HTN3: variants seen among roughly 807,000 people sequenced by gnomAD.
HTN3 encodes histatin 3.
Under a neutral mutation model 10.6 loss-of-function variants are expected in HTN3, and 15 were observed. The observed-to-expected ratio is 1.42, with a 90% CI of 0.95 to 2.18. The LOEUF (loss-of-function observed/expected upper bound fraction) is 2.18, where lower values mean the gene tolerates loss of function less well. HTN3 is among the 30% of genes most tolerant of loss of function. The pLI is 0.00. For missense variants in HTN3, 68 were observed against 58.0 expected, an observed-to-expected ratio of 1.17 and a Z score of -0.56; for synonymous variants, 15 against 16.9, an observed-to-expected ratio of 0.89 and a Z score of 0.27.
In HTN3 at chr4:70,033,167, G is replaced by A. The variant is rs1187095444; in HGVS notation, c.103G>A (p.Glu35Lys). 1.2e-6 allele frequency: 2 copies of A among 1,604,710 alleles called. No individual in the cohort carries two copies. Among genetic ancestry groups the A allele is most frequent in the South Asian group, 1.1e-5 (1 of 90,006 alleles). Residue 35 changes from glutamate to lysine, a missense_variant and splice_region_variant, in exon 5 of 6, where the codon GAA (glutamate) becomes AAA (lysine). Physicochemically the swap from Glu to Lys is moderately conservative, Grantham distance 56. Transcript: ENST00000673563. The part of the protein sequence containing the change: ...RHHGYKRKFH[E>K]KHHSHRGYRS... ...GCTCTCTCCTTTTGTGTGTATGCAG[G>A]AAAAGCATCATTCACATCGAGGCTA...
At chr4:70,035,936 G>A (rs4694040) in intron 5 of HTN3, among the ~76,000 whole-genome samples, 12,667 of 152,172 alleles carry the variant, frequency 0.083, 767 homozygotes, top group East Asian at 0.19. Flanking sequence ...TTAATCAGGG[G>A]AGGATATAGG....
At chr4:70,033,555 G>A (rs1245494783) in intron 5 of HTN3, 2 of 196,280 alleles carry the variant, frequency 1.0e-5, no homozygotes, top group East Asian at 1.5e-4. Flanking sequence ...GATGCCTTCA[G>A]CTTTGTTCCT....
intron 5 of HTN3, 50 bp downstream of exon 5, chr4:70,033,303 T>C: frequency 1.2e-6 from 1 of 848,182 alleles, no homozygotes; most frequent in Non-Finnish European, 1.9e-6. Flanking sequence ...ACACTGACAG[T>C]TAAAACAAGG....
chr4:70,035,990 T>G (rs1725509172), intron 5 of HTN3, among the ~76,000 whole-genome samples: 1 of 151,824 alleles, frequency 6.6e-6, no homozygotes, highest in African/African-American at 2.4e-5. Flanking sequence ...GTAGGCTATA[T>G]TTAAGTGAGA....
intron 4 of HTN3, among the ~76,000 whole-genome samples, chr4:70,032,854 G>A (rs1033619372): frequency 6.6e-6 from 1 of 152,078 alleles, no homozygotes; most frequent in Non-Finnish European, 1.5e-5. Flanking sequence ...GGGCAAAATA[G>A]TAACTTGGAG....
intron 4 of HTN3, among the ~76,000 whole-genome samples, chr4:70,032,949 T>C (rs1725422711): frequency 1.3e-5 from 2 of 152,116 alleles, no homozygotes; most frequent in Admixed American, 1.3e-4. Context: ...CACAAAAATA[T>C]CAACACACAG....
chr4:70,036,174 C>T (rs998262848), intron 5 of HTN3, 93 bp from the exon 6 acceptor site: 11 of 152,150 alleles, frequency 7.2e-5, no homozygotes, highest in Non-Finnish European at 1.5e-4. Context: ...ATAAAACTAT[C>T]TATAAATAAA....
intron 4 of HTN3, among the ~76,000 whole-genome samples, chr4:70,032,542 C>T (rs1725409165): frequency 6.6e-6 from 1 of 151,872 alleles, no homozygotes; most frequent in Non-Finnish European, 1.5e-5. Context: ...CTAAATTAGA[C>T]AGAAAATTTT....
chr4:70,028,766 C>G (rs534599839), intron 1 of HTN3, among the ~76,000 whole-genome samples: 1 of 152,164 alleles, frequency 6.6e-6, no homozygotes, highest in East Asian at 1.9e-4. Context: ...GGTGGGACCT[C>G]AATGAACTCT....
chr4:70,033,921 T>A (rs979289779), intron 5 of HTN3: 2 of 152,030 alleles, frequency 1.3e-5, no homozygotes, highest in African/African-American at 4.8e-5. Context: ...TGCTATCTGA[T>A]CTACGACAAT....
chr4:70,032,713 T>A (rs879848100), intron 4 of HTN3, among the ~76,000 whole-genome samples: 1 of 152,072 alleles, frequency 6.6e-6, no homozygotes, highest in Non-Finnish European at 1.5e-5. Context: ...GAGGACTGTT[T>A]GTGTTAACAG....
intron 4 of HTN3, 39 bp downstream of exon 4, chr4:70,032,146 T>C (rs775471285): frequency 7.7e-7 from 1 of 1,304,722 alleles, no homozygotes; most frequent in Non-Finnish European, 1.1e-6. Flanking sequence ...TGAATAAGTT[T>C]TCTTCTCTGA....
At chr4:70,032,723 G>T (rs1242883034) in intron 4 of HTN3, among the ~76,000 whole-genome samples, 1 of 152,072 alleles carries the variant, frequency 6.6e-6, no homozygotes, top group Non-Finnish European at 1.5e-5. Flanking sequence ...TGTGTTAACA[G>T]CAGTGGGTAT....
intron 1 of HTN3, 21 bp downstream of exon 1, chr4:70,028,537 C>G (rs1227629913): frequency 1.3e-5 from 2 of 152,060 alleles, no homozygotes; most frequent in Non-Finnish European, 2.9e-5. Flanking sequence ...CAAGTACAAT[C>G]TAATATTATA....
chr4:70,032,729 G>C (rs1725414754), intron 4 of HTN3, among the ~76,000 whole-genome samples: 1 of 151,930 alleles, frequency 6.6e-6, no homozygotes, highest in Admixed American at 6.6e-5. Context: ...AACAGCAGTG[G>C]GTATGAAAGA....
Position 70,033,539 on chromosome 4 carries a change from T to C in HTN3, c.*33+286T>C, listed in dbSNP as rs552068611. ...CCTTGTAGGGTAGTTTGAAGTCAAGTAGTGTGATGCCTTCAGCTTTGTTCC... is the reference window on the plus strand; with the variant it reads ...CCTTGTAGGGTAGTTTGAAGTCAAGCAGTGTGATGCCTTCAGCTTTGTTCC... On this transcript the variant is annotated intron_variant, in intron 5 of 5. Transcript: ENST00000673563. The C allele has an allele frequency of 9.0e-4, 191 of 212,262 alleles. 1 individual carries two copies. Among genetic ancestry groups the C allele is most frequent in the Non-Finnish European group, 1.6e-3 (173 of 108,434 alleles). 13.1% of individuals were successfully genotyped at this position (212,262 alleles called of 1,614,324 possible).
At chr4:70,029,262 G>C (rs1725317482) in intron 1 of HTN3, among the ~76,000 whole-genome samples, 1 of 151,758 alleles carries the variant, frequency 6.6e-6, no homozygotes, top group African/African-American at 2.4e-5. Flanking sequence ...ACAAACAACG[G>C]TAAAATTGTC....
intron 5 of HTN3, chr4:70,034,247 A>T (rs1355208038): frequency 6.6e-6 from 1 of 152,216 alleles, no homozygotes; most frequent in Non-Finnish European, 1.5e-5. Context: ...CAACAAAAGA[A>T]ACTATCATCA....
intron 2 of HTN3, among the ~76,000 whole-genome samples, chr4:70,031,770 A>G (rs763673003): frequency 2.6e-5 from 4 of 152,088 alleles, no homozygotes; most frequent in Non-Finnish European, 5.9e-5. Flanking sequence ...ATGAGTTGAT[A>G]CTTTAATATA....
Sources: gnomAD v4.1 joint callset for allele counts (sites outside exome capture counted in the v4.1 genomes callset) on GRCh38, gnomAD v4.1.1 for gene constraint, MANE v1.5 for transcripts, NCBI Gene and HGNC (gene_info 2026-07-23, HGNC 2026-07-21) for gene names.